Variants in CYFIP1 observed in about 807,000 individuals in gnomAD.
CYFIP1 encodes the protein cytoplasmic FMR1-interacting protein 1.
In CYFIP1, 58 loss-of-function variants were observed where a neutral mutation model predicts 163.5. The ratio of observed to expected loss-of-function variants is 0.35; its 90% confidence interval spans 0.29 to 0.44. CYFIP1 has a LOEUF of 0.44. Ranked by LOEUF, CYFIP1 falls within the 20% of genes least tolerant of loss-of-function variation. The pLI is 1.00. For missense variants in CYFIP1, 1,338 were observed against 1,653.8 expected (o/e 0.81, Z 3.31); for synonymous variants, 663 against 660.7 (o/e 1.00, Z -0.05).
chr15:22,939,854 C>T (rs923679489), intron 6 of CYFIP1, among the ~76,000 whole-genome samples: 2 of 152,144 alleles, frequency 1.3e-5, no homozygotes, highest in African/African-American at 2.4e-5. Context: ...CTCCTGGACC[C>T]CGAGTCTGAG....
chr15:22,976,403 G>A (rs553736892), intron 1 of CYFIP1, among the ~76,000 whole-genome samples: 7 of 152,168 alleles, frequency 4.6e-5, no homozygotes, highest in East Asian at 1.9e-4. Flanking sequence ...TGATCCGCCC[G>A]CCTCGGCCTC....
intron 26 of CYFIP1, among the ~76,000 whole-genome samples, chr15:22,877,432 A>C (rs1161334888): frequency 6.6e-6 from 1 of 152,198 alleles, no homozygotes; most frequent in Non-Finnish European, 1.5e-5. Context: ...AAAATGGACT[A>C]AGATAGCAGA....
At chr15:22,933,370 A>G (rs1190914109) in intron 10 of CYFIP1, among the ~76,000 whole-genome samples, 2 of 149,780 alleles carry the variant, frequency 1.3e-5, no homozygotes, top group Non-Finnish European at 1.5e-5. Flanking sequence ...GTTGGAGTGC[A>G]GTGGCGCGAT....
chr15:22,941,982 G>A lies in CYFIP1; in HGVS notation c.569+1191C>T, dbSNP rs551412672. ...GAGCCCACTCCGACCAGTGAGTCTC[G>A]ATGCTAGATTCCCACAGATGCTGTT... On this transcript the variant is annotated intron_variant, in intron 6 of 30. Coordinates refer to ENST00000617928, the MANE Select transcript of CYFIP1 (RefSeq NM_014608.6). 2.5e-4 allele frequency among the ~76,000 whole-genome samples: 38 copies of A among 152,300 alleles called. No individual in the cohort carries two copies. In the South Asian group the frequency reaches 4.6e-3, roughly 18 times the overall value.
chr15:22,954,569 C>T lies in CYFIP1; in HGVS notation c.-6-7278G>A, dbSNP rs570069611. 4.6e-5 allele frequency among the ~76,000 whole-genome samples: 7 copies of T among 152,280 alleles called. No individual in the cohort carries two copies. In the South Asian group the frequency reaches 1.0e-3, roughly 23 times the overall value. ...CCACAGTTCCAGCTGCCTGTGCCCC[C>T]GGCCTCCCCAGGCGGCGAACCGACC... is the stretch of plus-strand genomic sequence containing the variant. On this transcript the variant is annotated intron_variant, in intron 1 of 30. Coordinates refer to ENST00000617928, the MANE Select transcript of CYFIP1 (RefSeq NM_014608.6).
intron 1 of CYFIP1, among the ~76,000 whole-genome samples, chr15:22,974,452 G>A (rs140303084): frequency 0.012 from 1,871 of 152,152 alleles, 20 homozygotes; most frequent in Non-Finnish European, 0.021. Context: ...AAAACAGGCC[G>A]GACACGATGG....
rs2061404659 is a variant in CYFIP1, at chr15:22,927,802, G to A, written c.1233+104C>T. The stretch of plus-strand genomic sequence containing the variant: ...AACATATCTACTGATAGATATTCTC[G>A]TCTTTCTAGGGCCAAAGATAAAAAG... On this transcript the variant is annotated intron_variant, in intron 12 of 30. Coordinates refer to ENST00000617928, the MANE Select transcript of CYFIP1 (RefSeq NM_014608.6). The A allele has an allele frequency of 1.0e-5, 12 of 1,194,510 alleles. No individual in the cohort carries two copies. The Admixed American group carries it at 3.7e-4, about 37-fold the overall frequency. 74.0% of individuals were successfully genotyped at this position (1,194,510 alleles called of 1,614,324 possible).
At position 22,918,771 on chromosome 15, in the gene CYFIP1, C is replaced by T. The variant is rs1211504644; in HGVS notation, c.1447G>A (p.Ala483Thr). The change falls in exon 14 of 31, where the codon GCA (alanine) becomes ACA (threonine). Residue 483 changes from alanine (A) to threonine (T), a missense_variant. Ala to Thr is a moderately conservative substitution (Grantham distance 58, BLOSUM62 0). Transcript: ENST00000617928. The stretch of plus-strand genomic sequence containing the variant: ...GTCACCTGGGAGAAGTCCTGCAGTG[C>T]GGCATAGACGGTGTGCCGGATGGCG... ...NHAIRHTVYA[A>T]LQDFSQVTLR... 5 of 1,613,392 alleles carry T rather than the reference C, an allele frequency of 3.1e-6. No individual in the cohort carries two copies. Among genetic ancestry groups the T allele is most frequent in the Admixed American group, 3.3e-5 (2 of 59,918 alleles).
chr15:22,977,556 C>T lies in CYFIP1; in HGVS notation c.-7+2731G>A, dbSNP rs534080671. ...CACTATAAAATATGTTTTGGGTGGG[C>T]GCGGTGGTTCACGCCTGTAATCCCA... On this transcript the variant is annotated intron_variant, in intron 1 of 30. Transcript: ENST00000617928. 7.9e-5 allele frequency among the ~76,000 whole-genome samples: 12 copies of T among 152,148 alleles called. No homozygotes were observed. In the East Asian group the frequency reaches 1.7e-3, roughly 22 times the overall value.
intron 13 of CYFIP1, among the ~76,000 whole-genome samples, chr15:22,919,920 G>A (rs1223843643): frequency 1.3e-5 from 2 of 151,780 alleles, no homozygotes; most frequent in Admixed American, 6.6e-5. Flanking sequence ...TACTCGGGAG[G>A]CTAAGCCAGG....
chr15:22,934,475 G>A (rs1195315089), intron 9 of CYFIP1, among the ~76,000 whole-genome samples: 2 of 116,402 alleles, frequency 1.7e-5, no homozygotes, highest in African/African-American at 6.6e-5. Context: ...GTGAACCACC[G>A]CACCCAGCCC....
At chr15:22,955,970 CACTT>C (rs2062436176) in intron 1 of CYFIP1, among the ~76,000 whole-genome samples, 1 of 152,094 alleles carries the variant, frequency 6.6e-6, no homozygotes, top group African/African-American at 2.4e-5. Flanking sequence ...CTAATCCCAG[CACTT>C]TGGGAGACCG....
At chr15:22,951,791 G>A (rs2062257712) in intron 1 of CYFIP1, among the ~76,000 whole-genome samples, 1 of 152,228 alleles carries the variant, frequency 6.6e-6, no homozygotes, top group African/African-American at 2.4e-5. Flanking sequence ...CATGGTGGAG[G>A]AAGGTGGGGA....
At chr15:22,958,096 G>GATT (rs2062541744) in intron 1 of CYFIP1, among the ~76,000 whole-genome samples, 1 of 147,320 alleles carries the variant, frequency 6.8e-6, no homozygotes, top group African/African-American at 2.6e-5. Flanking sequence ...GAAGTAATTT[G>GATT]CTTTTTTTTT....
At position 22,933,891 on chromosome 15, in the gene CYFIP1, T is replaced by C. The variant is rs531928436; in HGVS notation, c.903A>G (p.Gln301=). The change falls in exon 10 of 31, where the codon CAA becomes CAG. Residue 301 remains glutamine, a splice_region_variant and synonymous_variant. Coordinates refer to ENST00000617928, the MANE Select transcript of CYFIP1 (RefSeq NM_014608.6). ...CCCCAAATAGCGGAACCACCTGGAG[T>C]TGCTGTATTCAAAGAACAAAAAAAT... The part of the protein sequence containing the change: ...NLSKIDKYFK[Q]LQVVPLFGDM... 9.3e-6 allele frequency: 15 copies of C among 1,608,722 alleles called. No homozygotes were observed. Among genetic ancestry groups the C allele is most frequent in the African/African-American group, 1.3e-5 (1 of 74,852 alleles).
chr15:22,901,545 G>A (rs979846831), intron 22 of CYFIP1, among the ~76,000 whole-genome samples: 3 of 152,164 alleles, frequency 2.0e-5, no homozygotes, highest in African/African-American at 7.2e-5. Flanking sequence ...GCCTAACTCT[G>A]GACTGAGGAA....
chr15:22,918,349 G>A (rs1354777229), intron 14 of CYFIP1, among the ~76,000 whole-genome samples: 3 of 152,042 alleles, frequency 2.0e-5, no homozygotes, highest in South Asian at 2.1e-4. Context: ...CATGTCTCTC[G>A]ACTGGTTTGG....
At chr15:22,880,669 A>T (rs1486751549) in intron 25 of CYFIP1, among the ~76,000 whole-genome samples, 3 of 152,202 alleles carry the variant, frequency 2.0e-5, no homozygotes, top group African/African-American at 7.2e-5. Context: ...ACGTGGCATC[A>T]GGAGGGGCCT....
intron 1 of CYFIP1, among the ~76,000 whole-genome samples, chr15:22,973,267 T>C (rs1000131523): frequency 2.8e-5 from 4 of 142,670 alleles, no homozygotes; most frequent in Admixed American, 7.3e-5. Context: ...TAAGCCATGA[T>C]TGCCCCACTG....
Sources: allele counts gnomAD v4.1 joint callset (sites outside exome capture counted in the v4.1 genomes callset), GRCh38; gene constraint gnomAD v4.1.1; transcripts MANE v1.5; gene names NCBI Gene and HGNC (gene_info 2026-07-23, HGNC 2026-07-21).